CCDC148: variants seen among roughly 807,000 people sequenced by gnomAD.
The protein encoded by CCDC148 is coiled-coil domain-containing protein 148.
Under a neutral mutation model 85.7 loss-of-function variants are expected in CCDC148, and 89 were observed. The ratio of observed to expected loss-of-function variants is 1.04; its 90% CI spans 0.87 to 1.24. The LOEUF (loss-of-function observed/expected upper bound fraction) is 1.24, where lower values mean the gene tolerates loss of function less well. CCDC148 is among the 50% of genes most tolerant of loss of function. The pLI, the probability that CCDC148 is intolerant of heterozygous loss-of-function variation, is 0.00. For synonymous variants in CCDC148, 230 were observed against 213.9 expected (o/e 1.08, Z -0.66); for missense variants, 692 against 671.7 (o/e 1.03, Z -0.33).
At position 158,435,843 on chromosome 2, in the gene CCDC148, C is replaced by G. The variant is rs189488047; in HGVS notation, c.25+20572G>C. On this transcript the variant is annotated intron_variant, in intron 1 of 13. Coordinates refer to ENST00000283233, the MANE Select transcript of CCDC148 (RefSeq NM_138803.4). ...GTTGCAATCCTAGTCTCTGATAAAA[C>G]AGACTTTGAACCGACAAAGATCAAA... 1.0e-3 allele frequency among the ~76,000 whole-genome samples: 152 copies of G among 152,230 alleles called. 1 individual carries two copies. Among genetic ancestry groups the G allele is most frequent in the Non-Finnish European group, 5.0e-4 (34 of 67,996 alleles).
intron 2 of CCDC148, among the ~76,000 whole-genome samples, chr2:158,348,929 G>C (rs1323709103): frequency 1.3e-5 from 2 of 151,962 alleles, no homozygotes; most frequent in Non-Finnish European, 2.9e-5. Flanking sequence ...AAAATACTGG[G>C]AATGTACAGT....
At chr2:158,342,485 C>T (rs1399025539) in intron 3 of CCDC148, among the ~76,000 whole-genome samples, 1 of 152,098 alleles carries the variant, frequency 6.6e-6, no homozygotes, top group Non-Finnish European at 1.5e-5. Flanking sequence ...ATGGTTGAGT[C>T]AAACCAGAAG....
At chr2:158,393,675 A>G (rs76341038) in intron 1 of CCDC148, among the ~76,000 whole-genome samples, 20,671 of 152,116 alleles carry the variant, frequency 0.14, 1,555 homozygotes, top group African/African-American at 0.19. Flanking sequence ...GATGGCTTCA[A>G]TTTTGAAAAG....
At chr2:158,320,082 T>G (rs893131163) in intron 7 of CCDC148, among the ~76,000 whole-genome samples, 1 of 152,196 alleles carries the variant, frequency 6.6e-6, no homozygotes. Context: ...TTACCTTATA[T>G]AGACATTATG....
At position 158,305,296 on chromosome 2, in the gene CCDC148, C is replaced by T. The variant is rs555234631; in HGVS notation, c.1110+4137G>A. ...AAATTCATGAGGCAGAATTTGTCTG[C>T]CATGGGGAAAAGAGCAGGATTGTTG... On this transcript the variant is annotated intron_variant, in intron 9 of 13. Coordinates refer to ENST00000283233, the MANE Select transcript of CCDC148 (RefSeq NM_138803.4). Among the ~76,000 whole-genome samples, 23 of 152,278 alleles carry T rather than the reference C, an allele frequency of 1.5e-4. No individual in the cohort carries two copies. The South Asian group carries it at 4.6e-3, about 30-fold the overall frequency.
chr2:158,290,155 G>A (rs544525651), intron 9 of CCDC148, among the ~76,000 whole-genome samples: 2 of 152,332 alleles, frequency 1.3e-5, no homozygotes, highest in South Asian at 4.1e-4. Flanking sequence ...GCACACAGGA[G>A]AGGGAGCTGA....
chr2:158,414,343 A>G (rs774799321), intron 1 of CCDC148, among the ~76,000 whole-genome samples: 8 of 152,238 alleles, frequency 5.3e-5, no homozygotes, highest in Non-Finnish European at 1.2e-4. Context: ...AGAAGAGCCA[A>G]GTCTTTATAG....
At chr2:158,454,919 A>C (rs1388137706) in intron 1 of CCDC148, among the ~76,000 whole-genome samples, 2 of 152,180 alleles carry the variant, frequency 1.3e-5, no homozygotes, top group African/African-American at 4.8e-5. Context: ...TTTAATTATG[A>C]CAAACACGAA....
In CCDC148 at chr2:158,178,864, C is replaced by G. The variant is rs200873956; in HGVS notation, c.1488+15G>C. The G allele has an allele frequency of 2.5e-6, 4 of 1,581,862 alleles. No homozygotes were observed. Among genetic ancestry groups the G allele is most frequent in the Non-Finnish European group, 2.6e-6 (3 of 1,155,828 alleles). ...TTAAAAAAACCACCCATGAAAATTT[C>G]CAAATGAAAAACACCTGTTTCCTAA... On this transcript the variant is annotated intron_variant, in intron 12 of 13. Transcript: ENST00000283233.
chr2:158,205,971 T>C (rs1016989356), intron 11 of CCDC148, among the ~76,000 whole-genome samples: 1 of 152,124 alleles, frequency 6.6e-6, no homozygotes, highest in Non-Finnish European at 1.5e-5. Context: ...TCTTTGCAAG[T>C]TGTAATTTTT....
chr2:158,230,376 T>C (rs887141223), intron 10 of CCDC148, among the ~76,000 whole-genome samples: 45 of 152,248 alleles, frequency 3.0e-4, no homozygotes, highest in Admixed American at 2.8e-3. Flanking sequence ...CTGGATGACA[T>C]GACATTTGTT....
At chr2:158,429,746 A>G (rs946746107) in intron 1 of CCDC148, among the ~76,000 whole-genome samples, 2 of 152,238 alleles carry the variant, frequency 1.3e-5, no homozygotes, top group East Asian at 1.9e-4. Flanking sequence ...CAACTAGAAA[A>G]CTGGACAAAA....
chr2:158,372,978 T>C (rs568853614), intron 1 of CCDC148, among the ~76,000 whole-genome samples: 3 of 152,220 alleles, frequency 2.0e-5, no homozygotes, highest in African/African-American at 7.2e-5. Flanking sequence ...CTTATGATTA[T>C]GTGATGTTAT....
At chr2:158,374,925 A>G (rs1684594682) in intron 1 of CCDC148, among the ~76,000 whole-genome samples, 2 of 152,082 alleles carry the variant, frequency 1.3e-5, no homozygotes, top group South Asian at 4.2e-4. Flanking sequence ...TATTTATAAT[A>G]CCTAATACAA....
At chr2:158,431,652 G>A (rs1487383509) in intron 1 of CCDC148, among the ~76,000 whole-genome samples, 1 of 152,092 alleles carries the variant, frequency 6.6e-6, no homozygotes, top group African/African-American at 2.4e-5. Flanking sequence ...AATTATTAAA[G>A]AAAGGCCAAG....
chr2:158,285,465 T>C (rs1235361298), intron 9 of CCDC148, among the ~76,000 whole-genome samples: 1 of 151,102 alleles, frequency 6.6e-6, no homozygotes, highest in Non-Finnish European at 1.5e-5. Context: ...ATAATAGTAA[T>C]ATACATATAT....
intron 7 of CCDC148, among the ~76,000 whole-genome samples, chr2:158,327,854 C>T (rs1692862429): frequency 1.3e-5 from 2 of 152,030 alleles, no homozygotes; most frequent in Non-Finnish European, 2.9e-5. Flanking sequence ...AGATCTTTTA[C>T]ATTTCTTGTT....
chr2:158,252,482 T>C (rs1251565641), intron 9 of CCDC148, among the ~76,000 whole-genome samples: 1 of 151,722 alleles, frequency 6.6e-6, no homozygotes, highest in African/African-American at 2.4e-5. Flanking sequence ...AAAATCAGTG[T>C]CCTGTCATCC....
At chr2:158,431,004 A>G (rs1319374495) in intron 1 of CCDC148, among the ~76,000 whole-genome samples, 1 of 152,098 alleles carries the variant, frequency 6.6e-6, no homozygotes, top group Admixed American at 6.5e-5. Context: ...CAATGAACTT[A>G]AAGACACAAC....
Sources: allele counts gnomAD v4.1 joint callset (sites outside exome capture counted in the v4.1 genomes callset), GRCh38; gene constraint gnomAD v4.1.1; transcripts MANE v1.5; gene names NCBI Gene and HGNC (gene_info 2026-07-23, HGNC 2026-07-21).